The following LRP4 variants were observed in gnomAD, a reference collection of about 807,000 sequenced individuals.
LRP4 encodes low-density lipoprotein receptor-related protein 4.
A neutral mutation model predicts 220.3 loss-of-function variants in LRP4; 95 were observed. The ratio of observed to expected loss-of-function variants is 0.43; its 90% CI spans 0.37 to 0.51. LRP4 has a LOEUF of 0.51. Among genes scored for constraint, LRP4 ranks in the 20% least tolerant of loss-of-function variants. The pLI is 0.00. For missense variants in LRP4, 1,925 were observed against 2,567.0 expected, an observed-to-expected ratio of 0.75 and a Z score of 5.40; for synonymous variants, 903 against 954.6, an observed-to-expected ratio of 0.95 and a Z score of 1.00.
At position 46,895,238 on chromosome 11, in the gene LRP4, C is replaced by T. The variant is rs893448826; in HGVS notation, c.1237G>A (p.Glu413Lys). 5.0e-6 allele frequency: 8 copies of T among 1,614,096 alleles called. No individual in the cohort carries two copies. The highest frequency in any genetic ancestry group is 4.4e-5 in the South Asian group (4 of 91,090). ...TCACACCAGCATTGGAAAGCCCCTT[C>T]GCTGTTGGTGCAGCCCTGGCTGCAA... is the stretch of plus-strand genomic sequence containing the variant. ...GYCSQGCTNSEGAFQCWCETG... is the reference protein window; with the variant it reads ...GYCSQGCTNSKGAFQCWCETG... The change falls in exon 11 of 38, where the codon GAA (glutamate) becomes AAA (lysine). Residue 413 changes from glutamate to lysine, a missense_variant. This residue lies in a region of LRP4 where 269 missense variants were observed against 436.7 expected (regional missense o/e 0.62). Transcript: ENST00000378623.
rs1384353896 is a variant in LRP4, at chr11:46,899,979, G to A, written c.317-3C>T. ...GTCCTCCTCACACTCCCGGGGGGCTGTGGGCACAGAGCAGTCAGGCTGCTG... is the reference window on the plus strand; with the variant it reads ...GTCCTCCTCACACTCCCGGGGGGCTATGGGCACAGAGCAGTCAGGCTGCTG... On this transcript the variant is annotated splice_polypyrimidine_tract_variant and splice_region_variant and intron_variant, in intron 3 of 37. Coordinates refer to ENST00000378623, the MANE Select transcript of LRP4 (RefSeq NM_002334.4). The surrounding 1 kb of genome is among the most constrained non-coding windows in gnomAD (Gnocchi z 5.9). The A allele has an allele frequency of 6.2e-7, 1 of 1,609,050 alleles. No homozygotes were observed. The highest frequency in any genetic ancestry group is 8.5e-7 in the Non-Finnish European group (1 of 1,175,976).
At position 46,894,900 on chromosome 11, in the gene LRP4, G is replaced by A. The variant is rs17848240; in HGVS notation, c.1310-81C>T. ...CCCATCAGCAGGTCTTCAGCTGACC[G>A]ATGGAGCCACTTGCTCACAAGGACA... On this transcript the variant is annotated intron_variant, in intron 11 of 37. Transcript: ENST00000378623. 627 of 1,251,572 alleles carry A rather than the reference G, an allele frequency of 5.0e-4. No homozygotes were observed. In the East Asian group the frequency reaches 0.014, roughly 27 times the overall value. 77.5% of individuals were successfully genotyped at this position (1,251,572 alleles called of 1,614,324 possible).
chr11:46,873,290 TGA>T lies in LRP4; in HGVS notation c.4449-58_4449-57del. 6.2e-7 allele frequency: 1 copy of T among 1,613,582 alleles called. No individual in the cohort carries two copies. The highest frequency in any genetic ancestry group is 8.5e-7 in the Non-Finnish European group (1 of 1,179,656). On this transcript the variant is annotated intron_variant, in intron 29 of 37. Transcript: ENST00000378623. The surrounding 1 kb of genome is among the most constrained non-coding windows in gnomAD (Gnocchi z 4.2). ...GCATGGGAAGACAGCACCCAGAGGT[TGA>T]GAGAACACAGAGGACCCACTAACAC...
intron 10 of LRP4, 146 bp from the exon 11 acceptor site, chr11:46,895,437 CG>C: frequency 1.7e-6 from 2 of 1,142,880 alleles, no homozygotes; most frequent in Non-Finnish European, 1.3e-6. Context: ...TAAGGGCGGC[CG>C]GGCGTGGTGG....
intron 7 of LRP4, 30 bp from the exon 8 acceptor site, chr11:46,897,024 G>C (rs377187112): frequency 4.1e-5 from 66 of 1,613,812 alleles, no homozygotes; most frequent in Non-Finnish European, 5.5e-5. Flanking sequence ...AATGAAAGGT[G>C]GGCCCCATTT....
At position 46,898,935 on chromosome 11, in the gene LRP4, G is replaced by C; in HGVS notation, c.645C>G (p.Asp215Glu). ...LDIYHCDGDD[D>E]CGDWSDESDC... ...CAGACTCGTCTGACCAGTCTCCACA[G>C]TCATCGTCGCCATCGCAGTGGTAGA... The change falls in exon 6 of 38, where the codon GAC (aspartate) becomes GAG (glutamate). Residue 215 changes from aspartate to glutamate, a missense_variant. Transcript: ENST00000378623. 6.2e-7 allele frequency: 1 copy of C among 1,613,866 alleles called. No individual in the cohort carries two copies. The highest frequency in any genetic ancestry group is 8.5e-7 in the Non-Finnish European group (1 of 1,180,024).
intron 1 of LRP4, among the ~76,000 whole-genome samples, chr11:46,908,757 C>T (rs1317289182): frequency 1.3e-5 from 2 of 152,262 alleles, no homozygotes; most frequent in Non-Finnish European, 2.9e-5. Context: ...TGGGGAAAGT[C>T]TGGCGTCCCA....
Position 46,894,852 on chromosome 11 carries a change from G to A in LRP4, c.1310-33C>T, listed in dbSNP as rs1463497588. The A allele has an allele frequency of 1.9e-6, 3 of 1,582,166 alleles. No individual in the cohort carries two copies. The African/African-American group carries it at 4.0e-5, about 21-fold the overall frequency. On this transcript the variant is annotated intron_variant, in intron 11 of 37. Transcript: ENST00000378623. Reference sequence around the variant, plus strand: ...ACAGTATAAACATGGGATACCCACTGGGTTTCAGAGCCGCCCCTGGTACCC... The same window carrying A: ...ACAGTATAAACATGGGATACCCACTAGGTTTCAGAGCCGCCCCTGGTACCC...
rs1264798703 is a variant in LRP4, at chr11:46,875,707, G to A, written c.3700-26C>T. 5 of 1,611,946 alleles carry A rather than the reference G, an allele frequency of 3.1e-6. No homozygotes were observed. Among genetic ancestry groups the A allele is most frequent in the Middle Eastern group, 1.6e-4 (1 of 6,062 alleles). On this transcript the variant is annotated intron_variant, in intron 26 of 37. Transcript: ENST00000378623. This position sits in a 1 kb window ranked among gnomAD's most constrained non-coding sequence, Gnocchi z 4.5. ...CTGCAGAGGAAGGAGAGGGTGGGGGGTGGTGATCAGCAGATTGGGAACTCT... is the reference window on the plus strand; with the variant it reads ...CTGCAGAGGAAGGAGAGGGTGGGGGATGGTGATCAGCAGATTGGGAACTCT...
intron 1 of LRP4, among the ~76,000 whole-genome samples, chr11:46,917,120 A>T (rs1941958174): frequency 1.3e-5 from 2 of 152,254 alleles, no homozygotes; most frequent in Non-Finnish European, 2.9e-5. Context: ...ACCAATCTTT[A>T]AAACGAGTGC....
intron 33 of LRP4, 40 bp downstream of exon 33, chr11:46,868,560 G>T: frequency 1.4e-6 from 2 of 1,434,196 alleles, no homozygotes; most frequent in Non-Finnish European, 2.0e-6. Flanking sequence ...GCCCTTCCAG[G>T]GGCTCTGCCG....
chr11:46,859,339 T>G (rs1353648296), intron 37 of LRP4, 24 bp from the exon 38 acceptor site: 1 of 1,566,554 alleles, frequency 6.4e-7, no homozygotes, highest in African/African-American at 1.4e-5. Context: ...TGGGCAGATA[T>G]GGTCAGTCAG....
At chr11:46,904,075 C>T (rs189269579) in intron 1 of LRP4, among the ~76,000 whole-genome samples, 61 of 152,342 alleles carry the variant, frequency 4.0e-4, no homozygotes, top group South Asian at 4.1e-4. Context: ...CACTCTCCCC[C>T]CTCCCAGCAT....
intron 7 of LRP4, among the ~76,000 whole-genome samples, chr11:46,898,074 G>A (rs1258910590): frequency 4.9e-5 from 7 of 142,092 alleles, no homozygotes; most frequent in Middle Eastern, 4.1e-3. Context: ...CCTCCCTCCC[G>A]GACGGGGTGG....
intron 37 of LRP4, among the ~76,000 whole-genome samples, chr11:46,861,735 AT>A (rs1282429074): frequency 2.0e-5 from 3 of 151,966 alleles, no homozygotes; most frequent in Admixed American, 6.5e-5. Context: ...TGAGCAAATA[AT>A]TTTCCATTGA....
In LRP4 at chr11:46,886,192, G is replaced by T; in HGVS notation, c.2425-20C>A. On this transcript the variant is annotated intron_variant, in intron 17 of 37. Coordinates refer to ENST00000378623, the MANE Select transcript of LRP4 (RefSeq NM_002334.4). ...TACCACCTGGGCAGGAAGCAAAGCT[G>T]TATCACCAACTGTACTTCCACTCTA... is the stretch of plus-strand genomic sequence containing the variant. 1.2e-6 allele frequency: 2 copies of T among 1,610,174 alleles called. No homozygotes were observed. Among genetic ancestry groups the T allele is most frequent in the Non-Finnish European group, 1.7e-6 (2 of 1,176,510 alleles).
Position 46,903,003 on chromosome 11 carries a change from A to T in LRP4, c.53-74T>A, listed in dbSNP as rs576649402. 7.3e-4 allele frequency: 1,165 copies of T among 1,588,674 alleles called. 5 individuals carry two copies. In the Middle Eastern group the frequency reaches 7.5e-3, roughly 10 times the overall value. On this transcript the variant is annotated intron_variant, in intron 1 of 37. Coordinates refer to ENST00000378623, the MANE Select transcript of LRP4 (RefSeq NM_002334.4). ...CAAGCCCATTCCGAGGGGAAAGTAG[A>T]GGAGCCTAGTCCAGGGGCACTGTCA...
intron 37 of LRP4, among the ~76,000 whole-genome samples, chr11:46,862,256 C>T (rs137858808): frequency 3.6e-4 from 55 of 152,180 alleles, no homozygotes; most frequent in African/African-American, 1.3e-3. Flanking sequence ...TCTGGGAGAG[C>T]TCCCTTGTTT....
Position 46,902,863 on chromosome 11 carries a change from C to A in LRP4, c.119G>T (p.Gly40Val). ...SHFTCAVSAL[G>V]ECTCIPAQWQ... ...CTGGGCAGGGATGCAGGTACACTCT[C>A]CAAGAGCACTCACTGCACATGTGAA... Residue 40 changes from glycine (G) to valine (V), a missense_variant, in exon 2 of 38, where the codon GGA becomes GTA. Coordinates refer to ENST00000378623, the MANE Select transcript of LRP4 (RefSeq NM_002334.4). The A allele has an allele frequency of 6.2e-7, 1 of 1,614,166 alleles. No individual in the cohort carries two copies. Among genetic ancestry groups the A allele is most frequent in the Non-Finnish European group, 8.5e-7 (1 of 1,180,050 alleles).
Sources: gnomAD v4.1 joint callset for allele counts (sites outside exome capture counted in the v4.1 genomes callset) on GRCh38, gnomAD v4.1.1 for gene constraint, gnomAD v4.1.1 regional missense constraint, Gnocchi (gnomAD v3.1) non-coding constraint, MANE v1.5 for transcripts, NCBI Gene and HGNC (gene_info 2026-07-23, HGNC 2026-07-21) for gene names.